The following CLASP1 variants were observed in gnomAD, a reference collection of about 807,000 sequenced individuals.
The protein encoded by CLASP1 is cytoplasmic linker associated protein 1.
In CLASP1, 38 loss-of-function variants were observed where a neutral mutation model predicts 192.3. The ratio of observed to expected loss-of-function variants is 0.20; its 90% CI spans 0.15 to 0.26. CLASP1 has a LOEUF of 0.26. Ranked by LOEUF, CLASP1 falls within the 10% of genes least tolerant of loss-of-function variation. CLASP1 has a pLI of 1.00. For missense variants in CLASP1, 1,433 were observed against 1,932.5 expected (o/e 0.74, Z 4.85); for synonymous variants, 691 against 712.8 (o/e 0.97, Z 0.49).
intron 1 of CLASP1, among the ~76,000 whole-genome samples, chr2:121,622,496 G>A (rs1443299662): frequency 6.6e-6 from 1 of 151,432 alleles, no homozygotes; most frequent in Non-Finnish European, 1.5e-5. Context: ...TTGAGCCCAG[G>A]AGGTAGAGGT....
At chr2:121,349,604 T>G (rs2063986301) in intron 37 of CLASP1, among the ~76,000 whole-genome samples, 1 of 152,170 alleles carries the variant, frequency 6.6e-6, no homozygotes, top group Non-Finnish European at 1.5e-5. Flanking sequence ...TGCCAGGCAG[T>G]TGAGGCAGTT....
intron 2 of CLASP1, among the ~76,000 whole-genome samples, chr2:121,574,032 T>C (rs950770478): frequency 6.6e-6 from 1 of 152,214 alleles, no homozygotes; most frequent in South Asian, 2.1e-4. Flanking sequence ...AAGGGATCTA[T>C]TGTACAATAT....
Position 121,525,247 on chromosome 2 carries a change from C to T in CLASP1, c.546+598G>A, listed in dbSNP as rs564961014. Among the ~76,000 whole-genome samples, 6 of 152,246 alleles carry T rather than the reference C, an allele frequency of 3.9e-5. No homozygotes were observed. The South Asian group carries it at 8.3e-4, about 21-fold the overall frequency. Reference sequence around the variant, plus strand: ...ATTTCTCCAGCCCAGACTTGTACAACTTTGTGAATTGCCTGGTAACTCACA... The same window carrying T: ...ATTTCTCCAGCCCAGACTTGTACAATTTTGTGAATTGCCTGGTAACTCACA... On this transcript the variant is annotated intron_variant, in intron 6 of 39. Transcript: ENST00000263710.
chr2:121,570,007 T>C (rs753783671), intron 2 of CLASP1, among the ~76,000 whole-genome samples: 5 of 152,228 alleles, frequency 3.3e-5, no homozygotes, highest in Non-Finnish European at 7.3e-5. Flanking sequence ...TTAATTCCTC[T>C]ATGTGCCTCA....
intron 2 of CLASP1, among the ~76,000 whole-genome samples, chr2:121,557,693 G>T (rs1473717536): frequency 6.6e-6 from 1 of 151,884 alleles, no homozygotes; most frequent in Non-Finnish European, 1.5e-5. Context: ...GGAGATGGAG[G>T]TTGCAGTGAG....
chr2:121,647,470 T>A (rs1460641367), intron 1 of CLASP1, among the ~76,000 whole-genome samples: 4 of 152,180 alleles, frequency 2.6e-5, no homozygotes, highest in Non-Finnish European at 5.9e-5. Flanking sequence ...TTTCTCAACA[T>A]CCCTGTCAAA....
At chr2:121,610,672 TTGGAGG>T (rs2065215852) in intron 1 of CLASP1, among the ~76,000 whole-genome samples, 1 of 25,142 alleles carries the variant, frequency 4.0e-5, no homozygotes, top group Admixed American at 4.2e-4. Flanking sequence ...GGAGGAGGAG[TTGGAGG>T]AGTTACAGGA....
chr2:121,511,213 CT>C (rs1244526073), intron 7 of CLASP1, among the ~76,000 whole-genome samples: 1 of 152,104 alleles, frequency 6.6e-6, no homozygotes, highest in African/African-American at 2.4e-5. Flanking sequence ...ATAATATGAA[CT>C]ATATGTTGTC....
chr2:121,531,807 G>T (rs1480027828), intron 2 of CLASP1, among the ~76,000 whole-genome samples: 1 of 151,762 alleles, frequency 6.6e-6, no homozygotes, highest in Non-Finnish European at 1.5e-5. Flanking sequence ...GGCGGAGGTT[G>T]CAATGAGCCA....
intron 35 of CLASP1, among the ~76,000 whole-genome samples, chr2:121,365,819 G>A (rs1314116888): frequency 6.6e-6 from 1 of 152,154 alleles, no homozygotes; most frequent in Non-Finnish European, 1.5e-5. Flanking sequence ...ACCAGTCAAG[G>A]TGTTTGGACT....
intron 2 of CLASP1, among the ~76,000 whole-genome samples, chr2:121,579,040 A>G (rs539858005): frequency 7.9e-5 from 12 of 152,356 alleles, no homozygotes; most frequent in South Asian, 2.1e-4. Flanking sequence ...ATACAGCCCC[A>G]TAATGTATCT....
chr2:121,584,368 T>G (rs2105629519), intron 2 of CLASP1, among the ~76,000 whole-genome samples: 1 of 152,222 alleles, frequency 6.6e-6, no homozygotes, highest in East Asian at 1.9e-4. Context: ...CTTCCAACAC[T>G]GAAAAACTTG....
intron 8 of CLASP1, among the ~76,000 whole-genome samples, chr2:121,479,029 CA>C (rs2092341659): frequency 1.4e-5 from 1 of 72,246 alleles, no homozygotes; most frequent in African/African-American, 7.1e-5. Flanking sequence ...CACACACACA[CA>C]CCCCACACAC....
chr2:121,541,231 C>A (rs1006026595), intron 2 of CLASP1, among the ~76,000 whole-genome samples: 2 of 152,156 alleles, frequency 1.3e-5, no homozygotes, highest in African/African-American at 4.8e-5. Context: ...CCATAAGGGA[C>A]AAACTAGGTG....
intron 2 of CLASP1, among the ~76,000 whole-genome samples, chr2:121,569,393 A>G (rs1222405614): frequency 6.6e-6 from 1 of 152,214 alleles, no homozygotes; most frequent in African/African-American, 2.4e-5. Flanking sequence ...GAGGACAGTA[A>G]AAGACAGCAG....
intron 5 of CLASP1, 40 bp downstream of exon 5, chr2:121,527,759 A>C: frequency 6.8e-7 from 1 of 1,466,600 alleles, no homozygotes; most frequent in Non-Finnish European, 9.5e-7. Context: ...GTTTTAAAAA[A>C]TTCAGCCACG....
rs145951001 is a variant in CLASP1 at position 121,432,154 on chromosome 2, G to A, written c.1913-1977C>T. Among the ~76,000 whole-genome samples, 179 of 152,078 alleles carry A rather than the reference G, an allele frequency of 1.2e-3. 2 individuals are homozygous for A. Among genetic ancestry groups the A allele is most frequent in the African/African-American group, 3.7e-3 (155 of 41,492 alleles). On this transcript the variant is annotated intron_variant, in intron 19 of 39. Coordinates refer to ENST00000263710, the Ensembl canonical transcript of CLASP1. The stretch of plus-strand genomic sequence containing the variant: ...ATATGAGGCAGAGTCTCTTTCTGTC[G>A]CCCATGCTGGAGTGCAGTGGTGTGT...
intron 34 of CLASP1, among the ~76,000 whole-genome samples, chr2:121,371,333 C>G (rs1030254242): frequency 6.6e-6 from 1 of 151,932 alleles, no homozygotes; most frequent in Non-Finnish European, 1.5e-5. Flanking sequence ...TAGGCTTAAG[C>G]AATACTCTCA....
chr2:121,513,556 T>C (rs1240662898), intron 7 of CLASP1, among the ~76,000 whole-genome samples: 1 of 152,168 alleles, frequency 6.6e-6, no homozygotes, highest in Non-Finnish European at 1.5e-5. Flanking sequence ...GGTCCCACTG[T>C]GTTGGGGATC....
Sources: gnomAD v4.1 joint callset for allele counts (sites outside exome capture counted in the v4.1 genomes callset) on GRCh38, gnomAD v4.1.1 for gene constraint, MANE v1.5 for transcripts, NCBI Gene and HGNC (gene_info 2026-07-23, HGNC 2026-07-21) for gene names.